SNTG1: variants seen among roughly 807,000 people sequenced by gnomAD.
SNTG1 encodes gamma-1-syntrophin.
In SNTG1, 39 loss-of-function variants were observed where a neutral mutation model predicts 74.7. That is an observed-to-expected ratio of 0.52 (90% CI 0.40 to 0.68). The LOEUF (loss-of-function observed/expected upper bound fraction) is 0.68. SNTG1 is among the 30% of genes least tolerant of loss of function. The pLI is 0.00. For synonymous variants in SNTG1, 254 were observed against 217.1 expected (o/e 1.17, Z -1.49); for missense variants, 685 against 609.5 (o/e 1.12, Z -1.30).
intron 10 of SNTG1, among the ~76,000 whole-genome samples, chr8:50,532,524 G>C (rs547045472): frequency 6.6e-6 from 1 of 152,190 alleles, no homozygotes; most frequent in African/African-American, 2.4e-5. Context: ...AAAATTCAAC[G>C]TAAGTTGAGA....
chr8:50,453,776 G>A (rs1307578105), intron 8 of SNTG1, among the ~76,000 whole-genome samples: 1 of 152,104 alleles, frequency 6.6e-6, no homozygotes, highest in Non-Finnish European at 1.5e-5. Flanking sequence ...CCCTCCGTGG[G>A]CACTGCTGTG....
chr8:50,338,152 A>C (rs970636302), intron 2 of SNTG1, among the ~76,000 whole-genome samples: 1 of 151,952 alleles, frequency 6.6e-6, no homozygotes, highest in Non-Finnish European at 1.5e-5. Flanking sequence ...TAAATAAATA[A>C]AAATAAATAA....
intron 1 of SNTG1, among the ~76,000 whole-genome samples, chr8:49,977,993 A>G (rs1457184634): frequency 6.6e-6 from 1 of 152,192 alleles, no homozygotes; most frequent in South Asian, 2.1e-4. Flanking sequence ...GGAAATAATA[A>G]TAATACAGAT....
At chr8:50,073,507 T>C (rs1185787725) in intron 1 of SNTG1, among the ~76,000 whole-genome samples, 2 of 152,198 alleles carry the variant, frequency 1.3e-5, no homozygotes, top group Admixed American at 1.3e-4. Context: ...CTGACATTGT[T>C]GAAATTTTGA....
At chr8:50,437,947 G>T (rs1056566843) in intron 4 of SNTG1, among the ~76,000 whole-genome samples, 1 of 152,168 alleles carries the variant, frequency 6.6e-6, no homozygotes, top group Non-Finnish European at 1.5e-5. Flanking sequence ...GAAACTGATT[G>T]TTAAAGTTGA....
intron 13 of SNTG1, among the ~76,000 whole-genome samples, chr8:50,605,578 C>T (rs965905006): frequency 6.6e-6 from 1 of 151,716 alleles, no homozygotes. Context: ...CCCAAGTGCA[C>T]AGATTCTCTC....
chr8:49,941,459 A>G (rs1275736070), intron 1 of SNTG1, among the ~76,000 whole-genome samples: 1 of 148,164 alleles, frequency 6.7e-6, no homozygotes, highest in Non-Finnish European at 1.5e-5. Context: ...TATATATTAT[A>G]TTAATATATA....
chr8:50,482,969 G>C (rs778069951), intron 8 of SNTG1, among the ~76,000 whole-genome samples: 3 of 152,114 alleles, frequency 2.0e-5, no homozygotes, highest in Admixed American at 1.3e-4. Flanking sequence ...CAGGTGATGG[G>C]AATGCCCTTT....
intron 2 of SNTG1, among the ~76,000 whole-genome samples, chr8:50,386,451 TTA>T (rs2092575591): frequency 3.9e-5 from 1 of 25,558 alleles, no homozygotes; most frequent in Non-Finnish European, 7.6e-5. Context: ...GGGAGCAAGA[TTA>T]ACAACATACA....
chr8:50,732,790 G>GA (rs1343122631), intron 17 of SNTG1, among the ~76,000 whole-genome samples: 2 of 151,590 alleles, frequency 1.3e-5, no homozygotes, highest in East Asian at 1.9e-4. Flanking sequence ...ATATAATGAT[G>GA]AAAAAAACAG....
At chr8:50,166,788 C>T (rs1586560178) in intron 1 of SNTG1, among the ~76,000 whole-genome samples, 1 of 145,504 alleles carries the variant, frequency 6.9e-6, no homozygotes, top group Non-Finnish European at 1.5e-5. Context: ...ACCCAAAGGA[C>T]TATAAATCAT....
chr8:50,764,575 G>A (rs11997213), intron 18 of SNTG1, among the ~76,000 whole-genome samples: 33,307 of 151,690 alleles, frequency 0.22, 3,817 homozygotes, highest in South Asian at 0.33. Flanking sequence ...AACTCAATGG[G>A]CTATCACCTC....
At chr8:50,570,582 A>ATTG (rs1428185346) in intron 12 of SNTG1, among the ~76,000 whole-genome samples, 48 of 33,362 alleles carry the variant, frequency 1.4e-3, no homozygotes, top group African/African-American at 3.0e-3. Flanking sequence ...TATTATTATT[A>ATTG]TTATTGTTGT....
chr8:50,132,663 A>G (rs189108168), intron 1 of SNTG1, among the ~76,000 whole-genome samples: 8 of 152,302 alleles, frequency 5.3e-5, no homozygotes, highest in Admixed American at 4.6e-4. Context: ...TCTTGGCCCA[A>G]GTAGGTCCCA....
intron 13 of SNTG1, among the ~76,000 whole-genome samples, chr8:50,608,969 T>C: frequency 6.6e-6 from 1 of 152,034 alleles, no homozygotes; most frequent in East Asian, 1.9e-4. Context: ...ATTATATAAA[T>C]ATTTTGCTGC....
chr8:50,348,226 T>C (rs993419619), intron 2 of SNTG1, among the ~76,000 whole-genome samples: 24 of 152,302 alleles, frequency 1.6e-4, no homozygotes, highest in African/African-American at 5.1e-4. Flanking sequence ...GACATCTCCA[T>C]GCCTTACAGG....
intron 8 of SNTG1, among the ~76,000 whole-genome samples, chr8:50,501,611 A>ATTTTTTTTTTTT (rs57220646): frequency 2.2e-5 from 3 of 134,146 alleles, no homozygotes; most frequent in Non-Finnish European, 3.3e-5. Context: ...ATTTTTTTTT[A>ATTTTTTTTTTTT]TTTTTTTTTT....
intron 9 of SNTG1, among the ~76,000 whole-genome samples, chr8:50,518,032 C>T (rs910898767): frequency 3.9e-5 from 6 of 152,128 alleles, no homozygotes; most frequent in Non-Finnish European, 8.8e-5. Context: ...CACACTTATT[C>T]TAAAATTGAC....
intron 1 of SNTG1, among the ~76,000 whole-genome samples, chr8:50,122,787 G>C (rs1460032652): frequency 7.1e-6 from 1 of 141,626 alleles, no homozygotes; most frequent in Non-Finnish European, 1.6e-5. Flanking sequence ...AGATATACCA[G>C]CTAAAATACC....
Sources: allele counts gnomAD v4.1 joint callset (sites outside exome capture counted in the v4.1 genomes callset), GRCh38; gene constraint gnomAD v4.1.1; transcripts MANE v1.5; gene names NCBI Gene and HGNC (gene_info 2026-07-23, HGNC 2026-07-21).